TBC1D1: variants seen among roughly 807,000 people sequenced by gnomAD.
TBC1D1 encodes TBC1 (tre-2/USP6, BUB2, cdc16) domain family, member 1.
TBC1D1 carries 89 observed loss-of-function variants against 125.6 expected under a neutral mutation model. The ratio of observed to expected loss-of-function variants is 0.71; its 90% CI spans 0.60 to 0.85. The LOEUF (loss-of-function observed/expected upper bound fraction) is 0.85, where lower values mean the gene tolerates loss of function less well. TBC1D1 is among the 40% of genes least tolerant of loss of function. The probability of loss-of-function intolerance (pLI) is 0.00; values close to 1 mark genes in which losing one functional copy is unlikely to be tolerated. For missense variants in TBC1D1, 1,377 were observed against 1,469.2 expected (o/e 0.94, Z 1.03); for synonymous variants, 565 against 564.1 (o/e 1.00, Z -0.02).
intron 2 of TBC1D1, among the ~76,000 whole-genome samples, chr4:38,000,244 T>TA (rs1387277160): frequency 6.6e-6 from 1 of 152,236 alleles, no homozygotes; most frequent in African/African-American, 2.4e-5. Flanking sequence ...ATGTAGCTGA[T>TA]ACCTCCCATC....
intron 18 of TBC1D1, among the ~76,000 whole-genome samples, chr4:38,132,191 T>TA (rs1445074331): frequency 6.6e-6 from 1 of 152,154 alleles, no homozygotes; most frequent in Admixed American, 6.5e-5. Context: ...CAGGGTTTTT[T>TA]TTTTTTTTCT....
chr4:37,956,684 C>G (rs1728997659), intron 2 of TBC1D1, among the ~76,000 whole-genome samples: 1 of 151,926 alleles, frequency 6.6e-6, no homozygotes, highest in African/African-American at 2.4e-5. Context: ...CAGTGGCTCA[C>G]ACCTCTAATC....
chr4:38,116,245 G>A (rs1199213122), intron 16 of TBC1D1, among the ~76,000 whole-genome samples: 1 of 152,186 alleles, frequency 6.6e-6, no homozygotes, highest in Non-Finnish European at 1.5e-5. Context: ...TGGAAACCCA[G>A]GCCTCTCTGA....
At chr4:37,946,735 T>C (rs1289611746) in intron 2 of TBC1D1, among the ~76,000 whole-genome samples, 2 of 152,070 alleles carry the variant, frequency 1.3e-5, no homozygotes, top group African/African-American at 4.8e-5. Flanking sequence ...GGAGAAGGCA[T>C]GAGAAAGTGG....
intron 12 of TBC1D1, among the ~76,000 whole-genome samples, chr4:38,086,920 C>CTT (rs146867362): frequency 6.6e-6 from 1 of 151,982 alleles, no homozygotes; most frequent in East Asian, 1.9e-4. Context: ...GTAAACTCTT[C>CTT]TTTTTTTTAC....
intron 12 of TBC1D1, among the ~76,000 whole-genome samples, chr4:38,080,536 T>G (rs1339767269): frequency 6.6e-6 from 1 of 152,214 alleles, no homozygotes; most frequent in East Asian, 1.9e-4. Flanking sequence ...GGGGAACTAC[T>G]TGCAGTCATC....
intron 12 of TBC1D1, among the ~76,000 whole-genome samples, chr4:38,074,528 C>T (rs1213570085): frequency 6.6e-6 from 1 of 152,138 alleles, no homozygotes; most frequent in Non-Finnish European, 1.5e-5. Context: ...TATGTTGGGC[C>T]TGGATGTTTA....
chr4:38,091,884 C>T (rs1273657121), intron 13 of TBC1D1, among the ~76,000 whole-genome samples: 2 of 152,242 alleles, frequency 1.3e-5, no homozygotes, highest in Non-Finnish European at 2.9e-5. Context: ...CATCTGGCTT[C>T]TTGGCAGTGT....
intron 15 of TBC1D1, among the ~76,000 whole-genome samples, chr4:38,104,613 T>A (rs921815714): frequency 1.3e-5 from 2 of 152,190 alleles, no homozygotes; most frequent in Admixed American, 1.3e-4. Context: ...TTTGGGGCCC[T>A]GCGGTGGCCC....
intron 12 of TBC1D1, among the ~76,000 whole-genome samples, chr4:38,074,362 A>G (rs1339582185): frequency 6.6e-6 from 1 of 152,226 alleles, no homozygotes; most frequent in Non-Finnish European, 1.5e-5. Flanking sequence ...AACAACATGC[A>G]GTTTTCACGA....
intron 12 of TBC1D1, among the ~76,000 whole-genome samples, chr4:38,070,299 A>G (rs1417151267): frequency 6.6e-6 from 1 of 152,234 alleles, no homozygotes; most frequent in Admixed American, 6.5e-5. Flanking sequence ...TTATCCTGTA[A>G]TAAGAATTTG....
At chr4:38,002,701 T>A (rs972904844) in intron 2 of TBC1D1, among the ~76,000 whole-genome samples, 11 of 152,212 alleles carry the variant, frequency 7.2e-5, no homozygotes, top group African/African-American at 2.7e-4. Context: ...TTTATTTAGG[T>A]GTTTTGTGCT....
intron 2 of TBC1D1, chr4:37,961,135 C>A: frequency 1.5e-6 from 2 of 1,324,568 alleles, no homozygotes; most frequent in Admixed American, 1.8e-5. Flanking sequence ...TAAAGTGGGT[C>A]ATATTCCTCT....
At chr4:38,052,715 C>T (rs994759679) in intron 11 of TBC1D1, among the ~76,000 whole-genome samples, 7 of 51,444 alleles carry the variant, frequency 1.4e-4, no homozygotes, top group East Asian at 5.8e-4. Context: ...CACACACACG[C>T]GCGCGCGCGC....
chr4:37,924,468 T>C (rs1262711430), intron 2 of TBC1D1, among the ~76,000 whole-genome samples: 1 of 152,214 alleles, frequency 6.6e-6, no homozygotes, highest in Non-Finnish European at 1.5e-5. Context: ...ACCATTACAC[T>C]ACCCATTTCC....
rs551660797 is a variant in TBC1D1 at position 37,976,146 on chromosome 4, C to G, written c.418-38363C>G. On this transcript the variant is annotated intron_variant, in intron 2 of 19. Coordinates refer to ENST00000261439, the MANE Select transcript of TBC1D1 (RefSeq NM_015173.4). ...GATCACTTGTGCTGGGGGATACAAA[C>G]TGCCATTTTCTGATCAGTGCTATGG... 6.6e-5 allele frequency among the ~76,000 whole-genome samples: 10 copies of G among 152,312 alleles called. No homozygotes were observed. The South Asian group carries it at 2.1e-3, about 32-fold the overall frequency.
chr4:38,090,685 A>G (rs1275819294), intron 13 of TBC1D1, among the ~76,000 whole-genome samples: 4 of 152,240 alleles, frequency 2.6e-5, no homozygotes, highest in East Asian at 1.9e-4. Context: ...CACTGGAACC[A>G]ATTAATGTTA....
At chr4:38,035,835 G>T (rs1397143992) in intron 8 of TBC1D1, 137 bp downstream of exon 8, 1 of 689,378 alleles carries the variant, frequency 1.5e-6, no homozygotes, top group Non-Finnish European at 2.5e-6. Flanking sequence ...CACATAGAGG[G>T]GAAATTTGGG....
intron 2 of TBC1D1, among the ~76,000 whole-genome samples, chr4:37,955,624 G>A (rs1002492516): frequency 6.6e-6 from 1 of 152,106 alleles, no homozygotes; most frequent in East Asian, 1.9e-4. Context: ...TACAATCCAC[G>A]GTTGGTTGAA....
Sources: gnomAD v4.1 joint callset for allele counts (sites outside exome capture counted in the v4.1 genomes callset) on GRCh38, gnomAD v4.1.1 for gene constraint, MANE v1.5 for transcripts, NCBI Gene and HGNC (gene_info 2026-07-23, HGNC 2026-07-21) for gene names.